The following ANXA4 variants were observed in gnomAD, a reference collection of about 807,000 sequenced individuals.
The protein encoded by ANXA4 is annexin A4.
In ANXA4, 39 loss-of-function variants were observed where a neutral mutation model predicts 49.8. The ratio of observed to expected loss-of-function variants is 0.78; its 90% CI spans 0.61 to 1.02. The LOEUF (loss-of-function observed/expected upper bound fraction) is 1.02, where lower values mean the gene tolerates loss of function less well. Among genes scored for constraint, ANXA4 ranks in the 50% least tolerant of loss-of-function variants. The pLI is 0.00. For missense variants in ANXA4, 360 were observed against 410.1 expected, an observed-to-expected ratio of 0.88 and a Z score of 1.05; for synonymous variants, 134 against 152.5, an observed-to-expected ratio of 0.88 and a Z score of 0.89.
upstream of ANXA4, among the ~76,000 whole-genome samples, chr2:69,740,803 G>A (rs1484153747): frequency 4.2e-5 from 6 of 142,008 alleles, no homozygotes; most frequent in Non-Finnish European, 7.5e-5. Flanking sequence ...CACCTCATCC[G>A]ACTGAATAGC....
chr2:69,798,066 A>C (rs191221938), intron 3 of ANXA4, among the ~76,000 whole-genome samples: 1 of 152,226 alleles, frequency 6.6e-6, no homozygotes, highest in Non-Finnish European at 1.5e-5. Context: ...TAGAGGGGCT[A>C]TCCGGTCCGA....
intron 6 of ANXA4, chr2:69,809,000 ATG>A (rs1253088846): frequency 6.6e-6 from 1 of 152,160 alleles, no homozygotes; most frequent in East Asian, 1.9e-4. Flanking sequence ...GGTTTGGTAT[ATG>A]TAAGTGAAAA....
intron 2 of ANXA4, among the ~76,000 whole-genome samples, chr2:69,692,487 A>G (rs11900122): frequency 0.03 from 4,504 of 152,288 alleles, 225 homozygotes; most frequent in African/African-American, 0.1. Flanking sequence ...TACCTCCTCT[A>G]TAGTTCCATA....
In ANXA4 at chr2:69,806,368, A is replaced by AACTTAATG. The variant is rs1353890805; in HGVS notation, c.193-17_193-16insACTTAATG. 4 of 1,582,716 alleles carry AACTTAATG rather than the reference A, an allele frequency of 2.5e-6. No homozygotes were observed. The highest frequency in any genetic ancestry group is 3.5e-6 in the Non-Finnish European group (4 of 1,151,384). Reference sequence around the variant, plus strand: ...TTTGCTATAGCAGTTAAGCGGAGCTACTTTCTTGCATTGCAGGACTTGATA... The same window carrying AACTTAATG: ...TTTGCTATAGCAGTTAAGCGGAGCTAACTTAATGCTTTCTTGCATTGCAGGACTTGATA... On this transcript the variant is annotated splice_polypyrimidine_tract_variant and intron_variant, in intron 4 of 12. Coordinates refer to ENST00000394295, the MANE Select transcript of ANXA4 (RefSeq NM_001153.5).
intron 1 of ANXA4, among the ~76,000 whole-genome samples, chr2:69,775,961 T>TTTTATTTATTTATTTATTTA (rs61468872): frequency 0.035 from 3,703 of 104,544 alleles, 312 homozygotes; most frequent in Admixed American, 0.24. Context: ...TTTATTTTTA[T>TTTTATTTATTTATTTATTTA]TTTATTTATT....
chr2:69,740,444 G>GTTTTGTTTTTGT (rs538553116), upstream of ANXA4, among the ~76,000 whole-genome samples: 11 of 151,304 alleles, frequency 7.3e-5, no homozygotes, highest in Middle Eastern at 3.2e-3. Flanking sequence ...TTTTTGTTTT[G>GTTTTGTTTTTGT]TTTTGTTTTT....
chr2:69,667,025 G>A (rs116738882), intron 2 of ANXA4, among the ~76,000 whole-genome samples: 9,745 of 151,904 alleles, frequency 0.064, 1,023 homozygotes, highest in East Asian at 0.36. Flanking sequence ...CAGCCTGGCC[G>A]ATAGAGTGAG....
intron 2 of ANXA4, among the ~76,000 whole-genome samples, chr2:69,704,163 AC>A (rs1678418248): frequency 6.6e-6 from 1 of 152,186 alleles, no homozygotes. Context: ...AAGAAATAAT[AC>A]CCCTTAATAG....
chr2:69,759,252 T>C (rs142879264), intron 1 of ANXA4, among the ~76,000 whole-genome samples: 224 of 151,618 alleles, frequency 1.5e-3, no homozygotes, highest in African/African-American at 5.2e-3. Context: ...AAATAATAAA[T>C]ATGGTGATTG....
chr2:69,752,170 G>A (rs927857523), intron 1 of ANXA4, among the ~76,000 whole-genome samples: 2 of 152,090 alleles, frequency 1.3e-5, no homozygotes, highest in African/African-American at 4.8e-5. Flanking sequence ...CTGAAGGAAT[G>A]GCATGTCTGT....
chr2:69,708,693 C>G (rs1018063851), intron 2 of ANXA4, among the ~76,000 whole-genome samples: 1 of 152,098 alleles, frequency 6.6e-6, no homozygotes. Flanking sequence ...TTGCCCCTTT[C>G]CTCTCTGAAG....
At chr2:69,759,910 G>T (rs1452712923) in intron 1 of ANXA4, among the ~76,000 whole-genome samples, 1 of 152,084 alleles carries the variant, frequency 6.6e-6, no homozygotes, top group Non-Finnish European at 1.5e-5. Flanking sequence ...TTGGCTCACT[G>T]CAAGCTCCAC....
At chr2:69,678,497 G>C (rs978458750) in intron 2 of ANXA4, among the ~76,000 whole-genome samples, 2 of 149,194 alleles carry the variant, frequency 1.3e-5, no homozygotes, top group African/African-American at 5.0e-5. Context: ...GGGCTCAGGA[G>C]ATACTCCCAC....
rs112227327 is a variant in ANXA4 at position 69,730,184 on chromosome 2, T to TA, written n.864+9326dup. 1.8e-3 allele frequency among the ~76,000 whole-genome samples: 266 copies of TA among 146,790 alleles called. 4 individuals are homozygous for TA. The highest frequency in any genetic ancestry group is 7.0e-3 in the Admixed American group (104 of 14,790). On this transcript the variant is annotated intron_variant and non_coding_transcript_variant, in intron 3 of 3. Coordinates refer to the ANXA4 transcript ENST00000418066. ...GTGAGACCGCACCTCTACTTTTATT[T>TA]AAAAAAAAAAAAATTCTGTTTTTTA...
At chr2:69,758,166 C>T (rs1054530871) in intron 1 of ANXA4, among the ~76,000 whole-genome samples, 1 of 152,108 alleles carries the variant, frequency 6.6e-6, no homozygotes, top group Non-Finnish European at 1.5e-5. Context: ...GCGTGCACCA[C>T]CATGCCCAGG....
intron 2 of ANXA4, among the ~76,000 whole-genome samples, chr2:69,718,936 A>G (rs6724395): frequency 0.16 from 24,869 of 151,616 alleles, 6,566 homozygotes; most frequent in African/African-American, 0.56. Context: ...AGAGTCTCTT[A>G]TAAAGCTTTT....
chr2:69,681,216 T>G (rs931857016), intron 2 of ANXA4, among the ~76,000 whole-genome samples: 1 of 152,208 alleles, frequency 6.6e-6, no homozygotes, highest in Non-Finnish European at 1.5e-5. Context: ...CATATTTTTC[T>G]TATTCAATCT....
At chr2:69,709,338 C>A (rs1001733838) in intron 2 of ANXA4, among the ~76,000 whole-genome samples, 3 of 152,224 alleles carry the variant, frequency 2.0e-5, no homozygotes, top group African/African-American at 7.2e-5. Context: ...CTTAGCCTCT[C>A]TATTCTTCCC....
intron 3 of ANXA4, among the ~76,000 whole-genome samples, chr2:69,730,087 C>T (rs915972106): frequency 2.5e-4 from 38 of 152,176 alleles, no homozygotes; most frequent in Non-Finnish European, 7.3e-5. Context: ...CACATGTAAT[C>T]TCAGCACTTT....
Sources: gnomAD v4.1 joint callset for allele counts (sites outside exome capture counted in the v4.1 genomes callset) on GRCh38, gnomAD v4.1.1 for gene constraint, MANE v1.5 for transcripts, NCBI Gene and HGNC (gene_info 2026-07-23, HGNC 2026-07-21) for gene names.